Variants in RAD51B observed in about 807,000 individuals in gnomAD.
RAD51B encodes the protein DNA repair protein RAD51 homolog 2.
Under a neutral mutation model 42.2 loss-of-function variants are expected in RAD51B, and 38 were observed. The observed-to-expected ratio is 0.90, with a 90% CI of 0.70 to 1.18. RAD51B has a LOEUF of 1.18. RAD51B is among the 50% of genes most tolerant of loss of function. RAD51B has a pLI of 0.00. For synonymous variants in RAD51B, 154 were observed against 145.2 expected (o/e 1.06, Z -0.43); for missense variants, 373 against 400.7 (o/e 0.93, Z 0.59).
In RAD51B at chr14:68,636,617, A is replaced by G. The variant is rs1892346631; in HGVS notation, c.1037-14164A>G. ...AAAAAAAAAAAAAATCCATATTTAA[A>G]TGGCCATTCATGTTCTGGACCAGGC... On this transcript the variant is annotated intron_variant, in intron 10 of 11. Transcript: ENST00000488612. 2.0e-5 allele frequency among the ~76,000 whole-genome samples: 3 copies of G among 151,116 alleles called. No individual in the cohort carries two copies. In the South Asian group the frequency reaches 6.3e-4, roughly 32 times the overall value.
downstream of RAD51B, among the ~76,000 whole-genome samples, chr14:68,478,369 C>T (rs1252505055): frequency 6.6e-6 from 1 of 152,204 alleles, no homozygotes; most frequent in Non-Finnish European, 1.5e-5. Context: ...CCCTGCAGAA[C>T]AAAGACTGAG....
intron 7 of RAD51B, among the ~76,000 whole-genome samples, chr14:68,142,977 ACT>A (rs1318599752): frequency 7.0e-6 from 1 of 142,352 alleles, no homozygotes; most frequent in Non-Finnish European, 1.5e-5. Context: ...ACAGAGCAAG[ACT>A]CTGTCTCAAG....
intron 7 of RAD51B, among the ~76,000 whole-genome samples, chr14:67,901,219 C>T (rs1175872779): frequency 1.3e-5 from 2 of 152,146 alleles, no homozygotes; most frequent in Non-Finnish European, 2.9e-5. Context: ...TTAGTTATTA[C>T]CCGTGAGTGC....
chr14:68,324,513 G>C (rs996838868), intron 8 of RAD51B, among the ~76,000 whole-genome samples: 11 of 152,192 alleles, frequency 7.2e-5, no homozygotes, highest in African/African-American at 2.7e-4. Context: ...CCGGGGCTCA[G>C]TCTGCACGTG....
chr14:68,533,732 A>G (rs2140354228), intron 10 of RAD51B, among the ~76,000 whole-genome samples: 1 of 152,366 alleles, frequency 6.6e-6, no homozygotes, highest in Admixed American at 6.5e-5. Context: ...TATGGAAAAA[A>G]AAATGTAGCC....
At chr14:68,294,281 A>C (rs935262507) in intron 8 of RAD51B, among the ~76,000 whole-genome samples, 1 of 118,428 alleles carries the variant, frequency 8.4e-6, no homozygotes, top group Non-Finnish European at 1.8e-5. Flanking sequence ...AAGAATGGAA[A>C]TAATTGATTT....
chr14:68,613,493 ACC>A (rs1891753294), downstream of RAD51B, among the ~76,000 whole-genome samples: 3 of 146,850 alleles, frequency 2.0e-5, no homozygotes, highest in South Asian at 6.4e-4. Flanking sequence ...TCACTCTGTC[ACC>A]CAGGCTGGAG....
chr14:67,910,507 C>G (rs921405746), intron 7 of RAD51B, among the ~76,000 whole-genome samples: 2 of 143,348 alleles, frequency 1.4e-5, no homozygotes, highest in African/African-American at 2.5e-5. Context: ...TAAAAATAAT[C>G]TAGGAAACTA....
chr14:68,674,665 T>A (rs1473525032), intron 11 of RAD51B, among the ~76,000 whole-genome samples: 2 of 152,174 alleles, frequency 1.3e-5, no homozygotes, highest in African/African-American at 4.8e-5. Context: ...TACTTTCATT[T>A]GTTGTATGCC....
At chr14:67,856,134 C>T (rs1051514120) in intron 4 of RAD51B, among the ~76,000 whole-genome samples, 1 of 152,136 alleles carries the variant, frequency 6.6e-6, no homozygotes, top group Non-Finnish European at 1.5e-5. Context: ...ACTTGGGGTA[C>T]TTGTCATTTC....
At position 67,926,923 on chromosome 14, in the gene RAD51B, A is replaced by T. The variant is rs117890251; in HGVS notation, c.756+39719A>T. ...GTTTATATAGCTCACTGGACAATTT[A>T]CAGATCCTGAGGTCAGGGATAATAG... is the stretch of plus-strand genomic sequence containing the variant. On this transcript the variant is annotated intron_variant, in intron 7 of 10. Transcript: ENST00000471583. 2.6e-5 allele frequency among the ~76,000 whole-genome samples: 4 copies of T among 152,264 alleles called. No individual in the cohort carries two copies. In the East Asian group the frequency reaches 7.7e-4, roughly 29 times the overall value.
intron 10 of RAD51B, among the ~76,000 whole-genome samples, chr14:68,635,501 T>C (rs190805498): frequency 2.2e-3 from 330 of 152,198 alleles, no homozygotes; most frequent in South Asian, 3.7e-3. Flanking sequence ...TCTGTAAAAA[T>C]AAACAGATGA....
chr14:68,613,180 C>G (rs1361967004), downstream of RAD51B, among the ~76,000 whole-genome samples: 3 of 152,124 alleles, frequency 2.0e-5, no homozygotes, highest in Non-Finnish European at 4.4e-5. Flanking sequence ...CTTTGGGAGG[C>G]CAAGGTGGGC....
intron 7 of RAD51B, among the ~76,000 whole-genome samples, chr14:68,231,485 C>T (rs1328047243): frequency 1.3e-5 from 2 of 152,124 alleles, no homozygotes; most frequent in African/African-American, 2.4e-5. Flanking sequence ...CACACCCAAG[C>T]TTCTTATCTC....
chr14:68,153,885 G>A (rs1025952775), intron 7 of RAD51B, among the ~76,000 whole-genome samples: 1 of 152,160 alleles, frequency 6.6e-6, no homozygotes, highest in Non-Finnish European at 1.5e-5. Context: ...CATTTATTGA[G>A]TGTATTCCCT....
chr14:67,868,280 A>G (rs1464636351), intron 5 of RAD51B, among the ~76,000 whole-genome samples: 1 of 152,282 alleles, frequency 6.6e-6, no homozygotes, highest in East Asian at 1.9e-4. Context: ...CGGGAAGCGC[A>G]AGGGGTCAGG....
At chr14:67,942,627 C>G (rs1429805436) in intron 7 of RAD51B, among the ~76,000 whole-genome samples, 1 of 152,120 alleles carries the variant, frequency 6.6e-6, no homozygotes, top group African/African-American at 2.4e-5. Flanking sequence ...ACACACTGAA[C>G]TTAAAGTGAA....
intron 7 of RAD51B, among the ~76,000 whole-genome samples, chr14:68,007,067 G>C (rs1023577049): frequency 6.6e-6 from 1 of 151,956 alleles, no homozygotes; most frequent in East Asian, 1.9e-4. Flanking sequence ...TAATCTATTA[G>C]TTTTCTGTCA....
chr14:67,974,652 A>G (rs2074957006), intron 7 of RAD51B, among the ~76,000 whole-genome samples: 1 of 152,096 alleles, frequency 6.6e-6, no homozygotes, highest in East Asian at 1.9e-4. Flanking sequence ...AGTACATGAG[A>G]CTTATACTTC....
Sources: gnomAD v4.1 joint callset for allele counts (sites outside exome capture counted in the v4.1 genomes callset) on GRCh38, gnomAD v4.1.1 for gene constraint, MANE v1.5 for transcripts, NCBI Gene and HGNC (gene_info 2026-07-23, HGNC 2026-07-21) for gene names.